Variants in TMEM132C observed in about 807,000 individuals in gnomAD.
The protein encoded by TMEM132C is protein phosphatase 1, regulatory subunit 152.
Under a neutral mutation model 61.4 loss-of-function variants are expected in TMEM132C, and 29 were observed. That is an observed-to-expected ratio of 0.47 (90% CI 0.35 to 0.64). The LOEUF is 0.64. Ranked by LOEUF, TMEM132C falls within the 30% of genes least tolerant of loss-of-function variation. TMEM132C has a pLI of 0.00. For synonymous variants in TMEM132C, 656 were observed against 633.1 expected, an observed-to-expected ratio of 1.04 and a Z score of -0.54; for missense variants, 1,408 against 1,476.9, an observed-to-expected ratio of 0.95 and a Z score of 0.76.
intron 1 of TMEM132C, among the ~76,000 whole-genome samples, chr12:128,281,192 C>G (rs1451768733): frequency 2.4e-4 from 37 of 152,154 alleles, no homozygotes; most frequent in Non-Finnish European, 1.5e-5. Flanking sequence ...AAGCAAACAT[C>G]ATGTATCACT....
At chr12:128,645,294 C>G (rs555593333) in intron 4 of TMEM132C, among the ~76,000 whole-genome samples, 6 of 152,272 alleles carry the variant, frequency 3.9e-5, no homozygotes, top group African/African-American at 9.6e-5. Flanking sequence ...ACCACCCAGG[C>G]TGGGCCAACT....
chr12:128,312,583 C>T (rs919625936), intron 1 of TMEM132C, among the ~76,000 whole-genome samples: 5 of 152,166 alleles, frequency 3.3e-5, no homozygotes, highest in African/African-American at 9.6e-5. Flanking sequence ...GCATAGAAGG[C>T]GATGTAGCAA....
chr12:128,504,123 G>A (rs1305611633), intron 2 of TMEM132C, among the ~76,000 whole-genome samples: 2 of 152,142 alleles, frequency 1.3e-5, no homozygotes, highest in African/African-American at 4.8e-5. Flanking sequence ...CTTCCTCACA[G>A]CATGGTGGTC....
At chr12:128,352,259 G>C (rs918422251) in intron 1 of TMEM132C, among the ~76,000 whole-genome samples, 1 of 152,162 alleles carries the variant, frequency 6.6e-6, no homozygotes, top group South Asian at 2.1e-4. Context: ...ATGGCAGAAG[G>C]GGGAGCAAAC....
intron 1 of TMEM132C, among the ~76,000 whole-genome samples, chr12:128,370,938 T>A (rs2135981282): frequency 1.3e-5 from 2 of 152,268 alleles, no homozygotes; most frequent in South Asian, 4.1e-4. Context: ...ACTAACTCAT[T>A]TAATTCTCAG....
intron 1 of TMEM132C, among the ~76,000 whole-genome samples, chr12:128,312,042 G>C (rs4882733): frequency 0.72 from 108,883 of 152,066 alleles, 39,750 homozygotes; most frequent in Non-Finnish European, 0.8. Context: ...TTGCAAAGTC[G>C]GGCGGTGGAG....
intron 3 of TMEM132C, among the ~76,000 whole-genome samples, chr12:128,593,218 TTCTC>T (rs1026785383): frequency 6.7e-6 from 1 of 150,198 alleles, no homozygotes; most frequent in Non-Finnish European, 1.5e-5. Flanking sequence ...TCTTTCTTTC[TTCTC>T]TCTCTCTTCT....
At chr12:128,314,949 A>G (rs1022423079) in intron 1 of TMEM132C, among the ~76,000 whole-genome samples, 2 of 152,234 alleles carry the variant, frequency 1.3e-5, no homozygotes, top group Non-Finnish European at 1.5e-5. Context: ...TCCAGCCTGT[A>G]AAATGGGAGG....
At chr12:128,523,754 C>T (rs906208580) in intron 2 of TMEM132C, among the ~76,000 whole-genome samples, 3 of 143,898 alleles carry the variant, frequency 2.1e-5, no homozygotes, top group African/African-American at 7.7e-5. Flanking sequence ...AATCCCAGCA[C>T]TTTGAGAGGC....
intron 2 of TMEM132C, among the ~76,000 whole-genome samples, chr12:128,491,333 G>A (rs968784095): frequency 4.6e-5 from 7 of 152,044 alleles, no homozygotes; most frequent in Non-Finnish European, 8.8e-5. Context: ...GAGCAATTTG[G>A]GCATCTAAAT....
At chr12:128,530,020 G>A (rs763031726) in intron 2 of TMEM132C, among the ~76,000 whole-genome samples, 3 of 151,642 alleles carry the variant, frequency 2.0e-5, no homozygotes, top group Non-Finnish European at 4.4e-5. Flanking sequence ...CGTCATGGGA[G>A]CCAGAAGGGA....
chr12:128,492,092 C>T (rs1318529277), intron 2 of TMEM132C, among the ~76,000 whole-genome samples: 4 of 152,066 alleles, frequency 2.6e-5, no homozygotes, highest in African/African-American at 9.7e-5. Context: ...TGAGTGAGAA[C>T]ATGCGGTGTT....
intron 4 of TMEM132C, among the ~76,000 whole-genome samples, chr12:128,639,455 T>C (rs1954138834): frequency 6.6e-6 from 1 of 152,154 alleles, no homozygotes; most frequent in Admixed American, 6.5e-5. Flanking sequence ...ATAATCATGG[T>C]CATGGTCATG....
chr12:128,515,061 G>C (rs192347071), intron 2 of TMEM132C, among the ~76,000 whole-genome samples: 1 of 152,230 alleles, frequency 6.6e-6, no homozygotes, highest in African/African-American at 2.4e-5. Context: ...GAGATAACTC[G>C]ATCCCTAGCA....
At chr12:128,491,094 T>A (rs1339754539) in intron 2 of TMEM132C, among the ~76,000 whole-genome samples, 2 of 152,178 alleles carry the variant, frequency 1.3e-5, no homozygotes, top group Non-Finnish European at 2.9e-5. Context: ...ACCAAATCCT[T>A]GACCATAGTG....
chr12:128,672,636 G>A (rs1954543823), intron 5 of TMEM132C, among the ~76,000 whole-genome samples: 1 of 152,208 alleles, frequency 6.6e-6, no homozygotes, highest in African/African-American at 2.4e-5. Flanking sequence ...AACTGGGTGA[G>A]GACATCAGAG....
chr12:128,492,642 G>A (rs370287090), intron 2 of TMEM132C, among the ~76,000 whole-genome samples: 19 of 152,254 alleles, frequency 1.2e-4, no homozygotes, highest in Admixed American at 2.6e-4. Context: ...GGCTGCATAA[G>A]TGTCTTCTTT....
intron 1 of TMEM132C, among the ~76,000 whole-genome samples, chr12:128,374,166 G>A (rs1186528920): frequency 1.3e-5 from 2 of 152,176 alleles, no homozygotes; most frequent in African/African-American, 2.4e-5. Context: ...GAATGATAAC[G>A]GTGACACACA....
At chr12:128,302,001 G>C (rs1871615313) in intron 1 of TMEM132C, among the ~76,000 whole-genome samples, 1 of 152,114 alleles carries the variant, frequency 6.6e-6, no homozygotes, top group East Asian at 1.9e-4. Flanking sequence ...AACTGTATGG[G>C]GGAAGCTGCC....
Sources: gnomAD v4.1 joint callset for allele counts (sites outside exome capture counted in the v4.1 genomes callset) on GRCh38, gnomAD v4.1.1 for gene constraint, MANE v1.5 for transcripts, NCBI Gene and HGNC (gene_info 2026-07-23, HGNC 2026-07-21) for gene names.